Variants in FTO observed in about 807,000 individuals in gnomAD.
FTO encodes the protein alpha-ketoglutarate-dependent dioxygenase FTO.
FTO carries 47 observed loss-of-function variants against 63.9 expected under a neutral mutation model. The observed-to-expected ratio is 0.74, with a 90% confidence interval of 0.58 to 0.94. The LOEUF (loss-of-function observed/expected upper bound fraction) is 0.94, where lower values mean the gene tolerates loss of function less well. Among genes scored for constraint, FTO ranks in the 40% least tolerant of loss-of-function variants. The pLI, the probability that FTO is intolerant of heterozygous loss-of-function variation, is 0.00. For missense variants in FTO, 562 were observed against 618.1 expected, an observed-to-expected ratio of 0.91 and a Z score of 0.96; for synonymous variants, 207 against 224.4, an observed-to-expected ratio of 0.92 and a Z score of 0.69.
chr16:53,823,000 T>C (rs1358432531), intron 2 of FTO, among the ~76,000 whole-genome samples: 1 of 152,206 alleles, frequency 6.6e-6, no homozygotes, highest in East Asian at 1.9e-4. Context: ...TCTAGCCTTC[T>C]TCTTTATCAA....
intron 4 of FTO, among the ~76,000 whole-genome samples, chr16:53,854,902 TC>T (rs2079935502): frequency 6.6e-6 from 1 of 152,194 alleles, no homozygotes; most frequent in South Asian, 2.1e-4. Context: ...TATTGATTCT[TC>T]CAATCCGTGA....
At chr16:53,812,238 A>T (rs1024178138) in intron 2 of FTO, among the ~76,000 whole-genome samples, 2 of 150,652 alleles carry the variant, frequency 1.3e-5, no homozygotes, top group African/African-American at 4.9e-5. Context: ...CTCATACTTT[A>T]TCTATACCTT....
intron 2 of FTO, among the ~76,000 whole-genome samples, chr16:53,823,251 C>A (rs1345642051): frequency 1.3e-5 from 2 of 152,176 alleles, no homozygotes; most frequent in Non-Finnish European, 2.9e-5. Flanking sequence ...GAGTACCCCG[C>A]CCTTCTAGAA....
chr16:54,077,814 C>T (rs1056916881), intron 8 of FTO, among the ~76,000 whole-genome samples: 1 of 151,984 alleles, frequency 6.6e-6, no homozygotes, highest in East Asian at 1.9e-4. Flanking sequence ...GGCAGGCAGT[C>T]GGATCAAGAA....
chr16:53,978,062 C>T (rs1489066585), intron 8 of FTO, among the ~76,000 whole-genome samples: 1 of 152,052 alleles, frequency 6.6e-6, no homozygotes, highest in Non-Finnish European at 1.5e-5. Context: ...AGGGGTCTCA[C>T]TGTATTGCCC....
intron 1 of FTO, among the ~76,000 whole-genome samples, chr16:53,768,550 A>G (rs1187780278): frequency 6.6e-6 from 1 of 152,046 alleles, no homozygotes. Flanking sequence ...GCTTCTTTTA[A>G]ATTTCCCTTT....
intron 1 of FTO, among the ~76,000 whole-genome samples, chr16:53,770,117 A>G (rs572056185): frequency 3.9e-5 from 6 of 152,316 alleles, no homozygotes; most frequent in Non-Finnish European, 5.9e-5. Flanking sequence ...TATTGACTCC[A>G]AACTCCAGAC....
chr16:54,104,931 T>G (rs755246177), intron 8 of FTO, among the ~76,000 whole-genome samples: 1 of 152,234 alleles, frequency 6.6e-6, no homozygotes, highest in Non-Finnish European at 1.5e-5. Context: ...GTTTTAAAAA[T>G]AGGACTTGTA....
intron 8 of FTO, among the ~76,000 whole-genome samples, chr16:54,076,126 G>A (rs779292453): frequency 6.6e-6 from 1 of 152,022 alleles, no homozygotes; most frequent in Non-Finnish European, 1.5e-5. Flanking sequence ...GCTCTGGCAG[G>A]GTTTTGATGA....
At chr16:53,867,744 TC>T (rs1259510810) in intron 4 of FTO, among the ~76,000 whole-genome samples, 1 of 152,182 alleles carries the variant, frequency 6.6e-6, no homozygotes, top group African/African-American at 2.4e-5. Context: ...TTCAACTATG[TC>T]CTTAATGATT....
chr16:53,894,413 T>C (rs1248730769), intron 7 of FTO, among the ~76,000 whole-genome samples: 2 of 152,208 alleles, frequency 1.3e-5, no homozygotes, highest in Non-Finnish European at 1.5e-5. Context: ...TGCTTTAGAT[T>C]AAATTCTTTA....
chr16:54,099,475 C>T (rs1266278345), intron 8 of FTO, among the ~76,000 whole-genome samples: 7 of 152,218 alleles, frequency 4.6e-5, no homozygotes, highest in African/African-American at 1.7e-4. Flanking sequence ...AAGCGGCCTC[C>T]GACTTGATAC....
intron 8 of FTO, among the ~76,000 whole-genome samples, chr16:53,968,514 G>A (rs929798026): frequency 2.6e-5 from 4 of 152,224 alleles, no homozygotes; most frequent in East Asian, 1.9e-4. Context: ...TCTAGGACTC[G>A]TGGCAGGCAG....
chr16:53,945,023 C>A (rs1439599522), intron 8 of FTO, among the ~76,000 whole-genome samples: 1 of 152,182 alleles, frequency 6.6e-6, no homozygotes, highest in African/African-American at 2.4e-5. Flanking sequence ...GGGCTGGACT[C>A]CAGTTTGAAT....
chr16:53,779,390 C>G (rs1299981099), intron 1 of FTO, among the ~76,000 whole-genome samples: 1 of 152,092 alleles, frequency 6.6e-6, no homozygotes, highest in South Asian at 2.1e-4. Flanking sequence ...TGGAGTCTCC[C>G]CTTAACTGGT....
chr16:53,729,184 T>G (rs1174512829), intron 1 of FTO, among the ~76,000 whole-genome samples: 3 of 152,122 alleles, frequency 2.0e-5, no homozygotes, highest in Non-Finnish European at 2.9e-5. Flanking sequence ...TAGATTTCCG[T>G]AGGCTCTTGG....
Position 54,116,339 on chromosome 16 carries a change from C to T in FTO, c.*4424C>T, listed in dbSNP as rs901451977. ...TTTGGAGATCTGTCAGAGGCAAGCA[C>T]ATGGAAGACAAGGGGATTCTGGTTT... On this transcript the variant is annotated 3_prime_UTR_variant, in exon 9 of 9. Transcript: ENST00000471389. 6.6e-6 allele frequency: 1 copy of T among 152,026 alleles called. No homozygotes were observed. The highest frequency in any genetic ancestry group is 2.4e-5 in the African/African-American group (1 of 41,354). The allele number at this position is 152,026 out of a possible 1,614,324, so 9.4% of individuals were successfully genotyped here. A position where few individuals can be genotyped will look rare whatever the true frequency, so the allele number is the denominator to read the frequency against.
intron 8 of FTO, among the ~76,000 whole-genome samples, chr16:54,075,326 T>G (rs1450035998): frequency 6.6e-6 from 1 of 152,176 alleles, no homozygotes; most frequent in Admixed American, 6.5e-5. Flanking sequence ...TGTTCGCCTC[T>G]GATAAAAAAG....
chr16:53,828,011 C>G (rs991544538), intron 3 of FTO, among the ~76,000 whole-genome samples: 1 of 152,094 alleles, frequency 6.6e-6, no homozygotes, highest in East Asian at 1.9e-4. Flanking sequence ...ACTCCCTTCC[C>G]GTGGGTGATC....
Sources: allele counts gnomAD v4.1 joint callset (sites outside exome capture counted in the v4.1 genomes callset), GRCh38; gene constraint gnomAD v4.1.1; transcripts MANE v1.5; gene names NCBI Gene and HGNC (gene_info 2026-07-23, HGNC 2026-07-21).